Variants in ATP10B observed in about 807,000 individuals in gnomAD.
ATP10B encodes phospholipid-transporting ATPase VB.
ATP10B carries 122 observed loss-of-function variants against 141.2 expected under a neutral mutation model. The observed-to-expected ratio is 0.86, with a 90% CI of 0.75 to 1.00. The LOEUF (loss-of-function observed/expected upper bound fraction) is 1.00. Among genes scored for constraint, ATP10B ranks in the 50% least tolerant of loss-of-function variants. The pLI is 0.00. For synonymous variants in ATP10B, 685 were observed against 692.0 expected, an observed-to-expected ratio of 0.99 and a Z score of 0.16; for missense variants, 1,876 against 1,825.3, an observed-to-expected ratio of 1.03 and a Z score of -0.51.
rs542742179 is a variant in ATP10B at position 160,814,312 on chromosome 5, C to G, written c.-575-28509G>C. Among the ~76,000 whole-genome samples the G allele has an allele frequency of 2.0e-5, 3 of 152,272 alleles. No homozygotes were observed. The East Asian group carries it at 5.8e-4, about 29-fold the overall frequency. On this transcript the variant is annotated intron_variant, in intron 1 of 25. Coordinates refer to ENST00000327245, the MANE Select transcript of ATP10B (RefSeq NM_025153.3). ...TAAAGGACCTGATGGAGCTGAAAAC[C>G]ATGGCAAGAGAACTACGTGATGAAT... is the stretch of plus-strand genomic sequence containing the variant.
chr5:160,918,709 A>T, the ATP10B span, among the ~76,000 whole-genome samples: 7 of 152,276 alleles, frequency 4.6e-5, no homozygotes, highest in African/African-American at 1.7e-4. Flanking sequence ...CACGGGGACA[A>T]AAGGGAGGTC....
intron 2 of ATP10B, among the ~76,000 whole-genome samples, chr5:160,734,885 T>C (rs1015231247): frequency 2.0e-5 from 3 of 150,882 alleles, no homozygotes; most frequent in African/African-American, 7.3e-5. Flanking sequence ...AGTAGAAGAG[T>C]TCAGCTGCTT....
intron 21 of ATP10B, among the ~76,000 whole-genome samples, chr5:160,600,496 G>T (rs142702385): frequency 6.6e-6 from 1 of 152,150 alleles, no homozygotes; most frequent in Non-Finnish European, 1.5e-5. Context: ...GGCCATGATT[G>T]GCTTGATTCC....
chr5:160,578,780 T>C (rs1032528997), intron 24 of ATP10B, among the ~76,000 whole-genome samples: 17 of 152,262 alleles, frequency 1.1e-4, no homozygotes, highest in African/African-American at 3.9e-4. Flanking sequence ...TCTTCCACAA[T>C]GGTTGAACTA....
chr5:160,797,060 CCT>C (rs375221353), intron 1 of ATP10B, among the ~76,000 whole-genome samples: 34 of 152,232 alleles, frequency 2.2e-4, no homozygotes, highest in South Asian at 1.2e-3. Context: ...AAAATCTCCC[CCT>C]GAGTTGTCAG....
intron 1 of ATP10B, among the ~76,000 whole-genome samples, chr5:160,813,950 CAG>C (rs1773373199): frequency 1.3e-5 from 2 of 152,164 alleles, no homozygotes; most frequent in South Asian, 4.1e-4. Context: ...AACTAACAAA[CAG>C]AAAGGACACC....
In ATP10B at chr5:160,607,098, C is replaced by A; in HGVS notation, c.2839-12G>T. ...GATTCACAGGTCTCCTATAAAGAAGCATAATAATACAGTATTTGTAAGCAA... is the reference window on the plus strand; with the variant it reads ...GATTCACAGGTCTCCTATAAAGAAGAATAATAATACAGTATTTGTAAGCAA... On this transcript the variant is annotated splice_polypyrimidine_tract_variant and intron_variant, in intron 18 of 25. Coordinates refer to ENST00000327245, the MANE Select transcript of ATP10B (RefSeq NM_025153.3). 1 of 1,598,248 alleles carries A rather than the reference C, an allele frequency of 6.3e-7. No individual in the cohort carries two copies. Among genetic ancestry groups the A allele is most frequent in the Non-Finnish European group, 8.5e-7 (1 of 1,169,770 alleles).
At chr5:160,693,865 C>T (rs1680777239) in intron 3 of ATP10B, among the ~76,000 whole-genome samples, 1 of 152,224 alleles carries the variant, frequency 6.6e-6, no homozygotes, top group Non-Finnish European at 1.5e-5. Context: ...CCACTTACCT[C>T]CTGCTGCGCA....
chr5:160,912,607 AAAGAG>A, the ATP10B span, among the ~76,000 whole-genome samples: 5 of 151,852 alleles, frequency 3.3e-5, no homozygotes, highest in South Asian at 2.1e-4. Context: ...AAAGAAAAGA[AAAGAG>A]AAAAGAAAAG....
At chr5:160,734,340 T>G (rs1388544205) in intron 2 of ATP10B, among the ~76,000 whole-genome samples, 5 of 152,014 alleles carry the variant, frequency 3.3e-5, no homozygotes, top group Admixed American at 6.5e-5. Context: ...GAGACTCTTT[T>G]TGTGTGTGTT....
chr5:160,840,459 A>C (rs1360515305), intron 1 of ATP10B, among the ~76,000 whole-genome samples: 1 of 152,102 alleles, frequency 6.6e-6, no homozygotes, highest in Non-Finnish European at 1.5e-5. Context: ...ACTAAGGAAA[A>C]GATAGTCTTT....
intron 1 of ATP10B, among the ~76,000 whole-genome samples, chr5:160,834,756 A>C (rs1474501800): frequency 6.6e-6 from 1 of 152,134 alleles, no homozygotes; most frequent in East Asian, 1.9e-4. Flanking sequence ...CTTGTGGTAT[A>C]CGTTTCTTCC....
At chr5:160,794,535 A>C (rs1704358616) in intron 1 of ATP10B, among the ~76,000 whole-genome samples, 1 of 152,214 alleles carries the variant, frequency 6.6e-6, no homozygotes. Context: ...ATTTGTCATC[A>C]CTGGGCTGGG....
chr5:160,860,487 G>T, the ATP10B span, among the ~76,000 whole-genome samples: 42 of 151,798 alleles, frequency 2.8e-4, no homozygotes, highest in Middle Eastern at 3.4e-3. Context: ...TTAGAAATGA[G>T]TTTGAAGGAA....
chr5:160,794,034 A>G (rs1339228824), intron 1 of ATP10B, among the ~76,000 whole-genome samples: 1 of 152,212 alleles, frequency 6.6e-6, no homozygotes, highest in African/African-American at 2.4e-5. Flanking sequence ...GTCTAAAAAC[A>G]TATTTCTCAG....
At chr5:160,709,660 C>T (rs1337679386) in intron 3 of ATP10B, among the ~76,000 whole-genome samples, 1 of 136,882 alleles carries the variant, frequency 7.3e-6, no homozygotes, top group Non-Finnish European at 1.6e-5. Context: ...GCACATTGTG[C>T]AGGTTAGTTA....
At chr5:160,882,854 G>A in the ATP10B span, among the ~76,000 whole-genome samples, 1 of 151,938 alleles carries the variant, frequency 6.6e-6, no homozygotes, top group East Asian at 1.9e-4. Context: ...ACCAAATGAA[G>A]CAATCACCAT....
intron 1 of ATP10B, among the ~76,000 whole-genome samples, chr5:160,792,495 G>A (rs1771649308): frequency 6.6e-6 from 1 of 152,046 alleles, no homozygotes. Context: ...CATGGTATTT[G>A]CAGGTTCTGA....
chr5:160,807,080 A>T (rs1347040906), intron 1 of ATP10B, among the ~76,000 whole-genome samples: 2 of 152,220 alleles, frequency 1.3e-5, no homozygotes, highest in South Asian at 2.1e-4. Flanking sequence ...GTAGAAAACG[A>T]TACATATACC....
Sources: allele counts gnomAD v4.1 joint callset (sites outside exome capture counted in the v4.1 genomes callset), GRCh38; gene constraint gnomAD v4.1.1; transcripts MANE v1.5; gene names NCBI Gene and HGNC (gene_info 2026-07-23, HGNC 2026-07-21).